Variants in FGD5 observed in about 807,000 individuals in gnomAD.
FGD5 encodes FYVE, RhoGEF and PH domain-containing protein 5.
A neutral mutation model predicts 133.4 loss-of-function variants in FGD5; 28 were observed. That is an observed-to-expected ratio of 0.21 (90% CI 0.16 to 0.29). The LOEUF (loss-of-function observed/expected upper bound fraction) is 0.29. Among genes scored for constraint, FGD5 ranks in the 10% least tolerant of loss-of-function variants. The pLI is 1.00. For synonymous variants in FGD5, 810 were observed against 776.5 expected (o/e 1.04, Z -0.72); for missense variants, 1,858 against 1,895.2 (o/e 0.98, Z 0.36).
intron 4 of FGD5, among the ~76,000 whole-genome samples, chr3:14,889,440 A>G (rs1184079590): frequency 1.3e-5 from 2 of 152,176 alleles, no homozygotes; most frequent in African/African-American, 4.8e-5. Context: ...TGGTAGGGAT[A>G]GCCTATAGTC....
intron 9 of FGD5, among the ~76,000 whole-genome samples, chr3:14,904,450 G>A (rs76386840): frequency 1.8e-4 from 27 of 152,092 alleles, no homozygotes; most frequent in African/African-American, 5.8e-4. Context: ...TATTGGGAGC[G>A]TTTTCAGTTG....
intron 2 of FGD5, among the ~76,000 whole-genome samples, chr3:14,878,251 A>G (rs1013700548): frequency 2.0e-5 from 3 of 152,256 alleles, no homozygotes; most frequent in Admixed American, 6.5e-5. Flanking sequence ...AGGCTCAGAG[A>G]TAAGGGCTCA....
At chr3:14,837,039 G>A (rs1235007166) in intron 1 of FGD5, among the ~76,000 whole-genome samples, 1 of 152,162 alleles carries the variant, frequency 6.6e-6, no homozygotes, top group Non-Finnish European at 1.5e-5. Flanking sequence ...CACACACAGT[G>A]ACCAGACTGC....
intron 18 of FGD5, among the ~76,000 whole-genome samples, chr3:14,927,804 C>T (rs913074716): frequency 2.0e-5 from 3 of 152,084 alleles, no homozygotes; most frequent in Admixed American, 2.0e-4. Flanking sequence ...GCTTCGTTGT[C>T]CAAGGCTGGA....
At chr3:14,928,917 C>T (rs903858463) in intron 18 of FGD5, among the ~76,000 whole-genome samples, 1 of 151,966 alleles carries the variant, frequency 6.6e-6, no homozygotes, top group Non-Finnish European at 1.5e-5. Flanking sequence ...TGTTTTTGTA[C>T]CTTTTTTTTG....
At position 14,899,132 on chromosome 3, in the gene FGD5, C is replaced by T. The variant is rs893747047; in HGVS notation, c.3154+306C>T. 1.1e-4 allele frequency among the ~76,000 whole-genome samples: 17 copies of T among 152,286 alleles called. 1 individual carries two copies. The Middle Eastern group carries it at 0.014, about 122-fold the overall frequency. On this transcript the variant is annotated intron_variant, in intron 7 of 19. Transcript: ENST00000285046. The stretch of plus-strand genomic sequence containing the variant: ...CCATCTCCTCATTTCACTGAAGCCA[C>T]GCCTGTCATCAAAGTCCTCTTGGCC...
rs1575243392 is a variant in FGD5 at position 14,900,437 on chromosome 3, G to C, written c.3189G>C (p.Glu1063Asp). 4 of 1,613,446 alleles carry C rather than the reference G, an allele frequency of 2.5e-6. No individual in the cohort carries two copies. In the East Asian group the frequency reaches 6.7e-5, roughly 27 times the overall value. Residue 1063 changes from glutamate to aspartate, a missense_variant, in exon 8 of 20, where the codon GAG becomes GAC. Glu to Asp is a conservative substitution (Grantham distance 45, BLOSUM62 2). This residue lies in a region of FGD5 where 1,824 missense variants were observed against 1,848.9 expected (regional missense o/e 0.99). Transcript: ENST00000285046. ...YLNNLCPDSA[E>D]YDNTQGALSL... ...ACAACCTTTGTCCGGACTCCGCCGA[G>C]TACGACAACACACAGGGTGAGTCCA... is the stretch of plus-strand genomic sequence containing the variant.
At chr3:14,927,557 C>G (rs2125162655) in intron 18 of FGD5, among the ~76,000 whole-genome samples, 1 of 112,612 alleles carries the variant, frequency 8.9e-6, no homozygotes, top group African/African-American at 3.4e-5. Context: ...ATTTCTCAAC[C>G]TGTTCCAGCG....
At chr3:14,916,432 C>G (rs570567256) in intron 11 of FGD5, among the ~76,000 whole-genome samples, 1 of 152,188 alleles carries the variant, frequency 6.6e-6, no homozygotes, top group Admixed American at 6.5e-5. Flanking sequence ...TTTAGTTGTT[C>G]ATTCAACAAA....
Position 14,864,195 on chromosome 3 carries a change from G to C in FGD5, c.2593G>C (p.Asp865His). ...SAAPKEDLTS[D>H]EEQRSSEEED... ...AGCCCCCAAAGAGGACCTTACGTCG[G>C]ATGAAGAGCAGAGAAGCTCGGAGGA... The change falls in exon 2 of 20, where the codon GAT becomes CAT. Residue 865 changes from aspartate to histidine, a missense_variant. This residue lies in a region of FGD5 where 1,824 missense variants were observed against 1,848.9 expected (regional missense o/e 0.99). Coordinates refer to ENST00000285046, the MANE Select transcript of FGD5 (RefSeq NM_152536.4). 1.2e-6 allele frequency: 2 copies of C among 1,614,012 alleles called. No homozygotes were observed. The highest frequency in any genetic ancestry group is 1.7e-6 in the Non-Finnish European group (2 of 1,179,896).
At chr3:14,900,271 A>G in intron 7 of FGD5, 132 bp from the exon 8 acceptor site, 1 of 843,528 alleles carries the variant, frequency 1.2e-6, no homozygotes, top group East Asian at 2.7e-5. Flanking sequence ...TGGTATTGTG[A>G]TGGGGCCAGC....
chr3:14,915,634 C>T (rs1299831128), intron 11 of FGD5, among the ~76,000 whole-genome samples: 4 of 151,378 alleles, frequency 2.6e-5, no homozygotes, highest in Non-Finnish European at 5.9e-5. Flanking sequence ...GCCATATGTC[C>T]GGGGCTCACC....
rs1173347617 is a variant in FGD5, at chr3:14,926,118, T to C, written c.4117T>C (p.Cys1373Arg). ...GSAISGYLSR[C>R]KRGKRHWKKL... ...TGCCATCAGTGGCTATCTCAGCCGG[T>C]GTAAGAGGGGCAAGCGGCACTGGAA... The change falls in exon 18 of 20, where the codon TGT becomes CGT. Residue 1373 changes from cysteine to arginine, a missense_variant. This residue lies in a region of FGD5 where 1,824 missense variants were observed against 1,848.9 expected (regional missense o/e 0.99). Transcript: ENST00000285046. The C allele has an allele frequency of 1.9e-6, 3 of 1,613,752 alleles. No homozygotes were observed. Among genetic ancestry groups the C allele is most frequent in the South Asian group, 1.1e-5 (1 of 91,086 alleles).
chr3:14,898,170 C>T (rs2125132782), intron 6 of FGD5, 75 bp downstream of exon 6: 1 of 1,580,488 alleles, frequency 6.3e-7, no homozygotes, highest in Middle Eastern at 1.7e-4. Context: ...TAATGCAAAT[C>T]AGTGGGACAT....
rs2036451112 is a variant in FGD5 at position 14,820,016 on chromosome 3, T to C, written c.945T>C (p.His315=). The change falls in exon 1 of 20, where the codon CAT becomes CAC. Residue 315 remains histidine (H), a synonymous_variant. Coordinates refer to ENST00000285046, the MANE Select transcript of FGD5 (RefSeq NM_152536.4). The part of the protein sequence containing the change: ...QEVAAATLED[H]AQDESAEESC... ...TGGCAGCCGCCACCCTGGAGGACCA[T>C]GCACAGGATGAGTCCGCCGAGGAGA... The C allele has an allele frequency of 1.9e-6, 3 of 1,613,910 alleles. No homozygotes were observed. The highest frequency in any genetic ancestry group is 2.5e-6 in the Non-Finnish European group (3 of 1,179,860).
chr3:14,892,980 G>C (rs1479723355), intron 4 of FGD5, among the ~76,000 whole-genome samples: 2 of 152,240 alleles, frequency 1.3e-5, no homozygotes, highest in Non-Finnish European at 2.9e-5. Flanking sequence ...ATTTGGGCAA[G>C]AGTGCATGAT....
intron 10 of FGD5, among the ~76,000 whole-genome samples, chr3:14,909,897 C>A (rs2038414940): frequency 6.6e-6 from 1 of 151,772 alleles, no homozygotes; most frequent in Non-Finnish European, 1.5e-5. Flanking sequence ...TCCCGAGTAG[C>A]TGGGACTACA....
chr3:14,848,310 A>C (rs2125091588), intron 1 of FGD5, among the ~76,000 whole-genome samples: 1 of 152,092 alleles, frequency 6.6e-6, no homozygotes, highest in Middle Eastern at 3.4e-3. Context: ...CAAACGCCTG[A>C]ACCCCAGGAC....
chr3:14,901,122 T>A, intron 9 of FGD5, 61 bp downstream of exon 9: 1 of 1,575,390 alleles, frequency 6.3e-7, no homozygotes, highest in Non-Finnish European at 8.7e-7. Flanking sequence ...CCCCACCAGC[T>A]CCGGTCAGCC....
Sources: gnomAD v4.1 joint callset for allele counts (sites outside exome capture counted in the v4.1 genomes callset) on GRCh38, gnomAD v4.1.1 for gene constraint, gnomAD v4.1.1 regional missense constraint, MANE v1.5 for transcripts, NCBI Gene and HGNC (gene_info 2026-07-23, HGNC 2026-07-21) for gene names.